The following PRKN variants were observed in gnomAD, a reference collection of about 807,000 sequenced individuals.
PRKN encodes the protein E3 ubiquitin-protein ligase parkin.
PRKN carries 56 observed loss-of-function variants against 59.5 expected under a neutral mutation model. The ratio of observed to expected loss-of-function variants is 0.94; its 90% confidence interval spans 0.76 to 1.18. The LOEUF (loss-of-function observed/expected upper bound fraction) is 1.18. Ranked by LOEUF, PRKN falls within the 50% of genes most tolerant of loss-of-function variation. The pLI, the probability that PRKN is intolerant of heterozygous loss-of-function variation, is 0.00. For synonymous variants in PRKN, 250 were observed against 222.1 expected (o/e 1.13, Z -1.12); for missense variants, 657 against 596.4 (o/e 1.10, Z -1.06).
chr6:161,711,605 A>G (rs1786753717), intron 7 of PRKN, among the ~76,000 whole-genome samples: 1 of 152,200 alleles, frequency 6.6e-6, no homozygotes, highest in African/African-American at 2.4e-5. Context: ...TGAAGGATGC[A>G]AAGTATTTTT....
intron 1 of PRKN, among the ~76,000 whole-genome samples, chr6:162,555,248 A>G (rs2128204764): frequency 6.6e-6 from 1 of 152,354 alleles, no homozygotes; most frequent in African/African-American, 2.4e-5. Context: ...GTTAACAATC[A>G]TGATAATAGT....
intron 7 of PRKN, among the ~76,000 whole-genome samples, chr6:161,597,270 C>G (rs1781948677): frequency 6.6e-6 from 1 of 152,186 alleles, no homozygotes. Flanking sequence ...AACTAAACAG[C>G]AAATGTTCTC....
At chr6:162,032,155 T>A (rs1267886608) in intron 5 of PRKN, among the ~76,000 whole-genome samples, 1 of 152,168 alleles carries the variant, frequency 6.6e-6, no homozygotes, top group Non-Finnish European at 1.5e-5. Context: ...AAGGGTTAAT[T>A]TAAATGTTTA....
rs1307895698 is a variant in PRKN, at chr6:162,011,381, T to C, written c.619-37964A>G. On this transcript the variant is annotated intron_variant, in intron 5 of 11. Transcript: ENST00000366898. Reference sequence around the variant, plus strand: ...TTTATAATATATATAATATATTATATATTTATAATATATATTATAAATATA... The same window carrying C: ...TTTATAATATATATAATATATTATACATTTATAATATATATTATAAATATA... Among the ~76,000 whole-genome samples the C allele has an allele frequency of 2.2e-3, 29 of 13,368 alleles. 7 individuals carry two copies. The highest frequency in any genetic ancestry group is 5.7e-3 in the Admixed American group (3 of 526). 8.8% of individuals were successfully genotyped at this position (13,368 alleles called of 152,430 possible).
At chr6:162,624,074 C>A (rs1272560762) in intron 1 of PRKN, among the ~76,000 whole-genome samples, 1 of 150,248 alleles carries the variant, frequency 6.7e-6, no homozygotes, top group African/African-American at 2.4e-5. Flanking sequence ...CATGGTGAAA[C>A]CCTGTCTCTA....
Position 161,973,335 on chromosome 6 carries a change from C to A in PRKN, c.701G>T (p.Arg234Leu). ...TGTGCACGTAATGCAAGTGATGTTC[C>A]GACTATTTGTTGCGATCAGGTGCAA... ...VALHLIATNS[R>L]NITCITCTDV... Residue 234 changes from arginine (R) to leucine (L), a missense_variant, in exon 6 of 12, where the codon CGG becomes CTG. Coordinates refer to ENST00000366898, the MANE Select transcript of PRKN (RefSeq NM_004562.3). 6.2e-7 allele frequency: 1 copy of A among 1,613,474 alleles called. No individual in the cohort carries two copies. Among genetic ancestry groups the A allele is most frequent in the Non-Finnish European group, 8.5e-7 (1 of 1,179,468 alleles).
chr6:162,608,962 G>A (rs1319204525), intron 1 of PRKN, among the ~76,000 whole-genome samples: 1 of 152,146 alleles, frequency 6.6e-6, no homozygotes, highest in Non-Finnish European at 1.5e-5. Flanking sequence ...CCTGGGAGTG[G>A]ATGAGCAAAG....
At chr6:161,743,531 G>A (rs989786774) in intron 7 of PRKN, among the ~76,000 whole-genome samples, 2 of 151,816 alleles carry the variant, frequency 1.3e-5, no homozygotes, top group Admixed American at 6.6e-5. Context: ...TTACAGGCAC[G>A]AGCCACTGCG....
chr6:162,528,938 C>T (rs1778398578), intron 1 of PRKN, among the ~76,000 whole-genome samples: 4 of 152,056 alleles, frequency 2.6e-5, no homozygotes, highest in African/African-American at 7.2e-5. Context: ...AGTGCAGTGG[C>T]GTGATCTCGG....
intron 2 of PRKN, among the ~76,000 whole-genome samples, chr6:162,290,553 T>C (rs1164745166): frequency 6.6e-6 from 1 of 152,106 alleles, no homozygotes; most frequent in Non-Finnish European, 1.5e-5. Flanking sequence ...TTATGAGTAA[T>C]TTTTTATCAC....
chr6:162,022,526 A>ATTG (rs764017246), intron 5 of PRKN, among the ~76,000 whole-genome samples: 8 of 151,610 alleles, frequency 5.3e-5, no homozygotes, highest in Non-Finnish European at 7.4e-5. Flanking sequence ...ACCGGTCTTT[A>ATTG]TTGTTGTTGT....
intron 9 of PRKN, among the ~76,000 whole-genome samples, chr6:161,416,875 A>G (rs1197257647): frequency 6.6e-6 from 1 of 152,194 alleles, no homozygotes; most frequent in East Asian, 1.9e-4. Flanking sequence ...GACGTCCAGC[A>G]GATGCTGAGC....
chr6:161,556,656 C>A (rs907712262), intron 8 of PRKN, among the ~76,000 whole-genome samples: 1 of 151,982 alleles, frequency 6.6e-6, no homozygotes, highest in African/African-American at 2.4e-5. Context: ...ATAAATCTAC[C>A]CCAGTTGGTG....
chr6:161,874,193 TA>T (rs1794513644), intron 6 of PRKN, among the ~76,000 whole-genome samples: 1 of 66,674 alleles, frequency 1.5e-5, no homozygotes, highest in Non-Finnish European at 2.4e-5. Context: ...ATATAATATA[TA>T]ATATATATTA....
intron 7 of PRKN, among the ~76,000 whole-genome samples, chr6:161,640,517 A>C (rs1298871482): frequency 2.0e-5 from 3 of 152,142 alleles, no homozygotes; most frequent in Non-Finnish European, 2.9e-5. Context: ...AGACAACGAG[A>C]TATGGAATAC....
At chr6:162,011,467 T>TAA (rs1782704352) in intron 5 of PRKN, among the ~76,000 whole-genome samples, 4 of 14,526 alleles carry the variant, frequency 2.8e-4, no homozygotes, top group African/African-American at 1.8e-3. Flanking sequence ...ATATATATTA[T>TAA]AATATATAAT....
At chr6:161,531,790 C>T (rs997275734) in intron 9 of PRKN, among the ~76,000 whole-genome samples, 131 of 152,044 alleles carry the variant, frequency 8.6e-4, no homozygotes, top group African/African-American at 2.7e-3. Context: ...ATCAGACATG[C>T]GGGTGGATTA....
intron 4 of PRKN, among the ~76,000 whole-genome samples, chr6:162,175,097 A>G (rs1371373901): frequency 6.6e-6 from 1 of 152,188 alleles, no homozygotes; most frequent in Non-Finnish European, 1.5e-5. Context: ...TTAATCGGTT[A>G]CATTTGCAAG....
chr6:162,207,956 G>C (rs1044641145), intron 3 of PRKN, among the ~76,000 whole-genome samples: 3 of 152,114 alleles, frequency 2.0e-5, no homozygotes, highest in Non-Finnish European at 4.4e-5. Flanking sequence ...TCAATATCTA[G>C]AACATCTTTC....
Sources: gnomAD v4.1 joint callset for allele counts (sites outside exome capture counted in the v4.1 genomes callset) on GRCh38, gnomAD v4.1.1 for gene constraint, MANE v1.5 for transcripts, NCBI Gene and HGNC (gene_info 2026-07-23, HGNC 2026-07-21) for gene names.